MYO3A: variants seen among roughly 807,000 people sequenced by gnomAD.
MYO3A encodes myosin IIIA.
Under a neutral mutation model 192.7 loss-of-function variants are expected in MYO3A, and 180 were observed. The ratio of observed to expected loss-of-function variants is 0.93; its 90% CI spans 0.83 to 1.06. The LOEUF is 1.06. Ranked by LOEUF, MYO3A falls within the 50% of genes least tolerant of loss-of-function variation. MYO3A has a pLI of 0.00. For synonymous variants in MYO3A, 628 were observed against 645.3 expected (o/e 0.97, Z 0.41); for missense variants, 1,896 against 1,905.0 (o/e 1.00, Z 0.09).
At chr10:26,151,090 A>G (rs1314322523) in intron 23 of MYO3A, among the ~76,000 whole-genome samples, 1 of 152,262 alleles carries the variant, frequency 6.6e-6, no homozygotes, top group East Asian at 1.9e-4. Context: ...TTTAAGACCC[A>G]TAATATTATC....
chr10:26,157,050 T>C (rs909545159), intron 25 of MYO3A, among the ~76,000 whole-genome samples: 15 of 152,352 alleles, frequency 9.8e-5, no homozygotes, highest in Admixed American at 2.6e-4. Context: ...TAAAGTTGCC[T>C]TAATGGTTTA....
At chr10:26,007,887 C>A (rs192190682) in intron 6 of MYO3A, among the ~76,000 whole-genome samples, 9 of 151,986 alleles carry the variant, frequency 5.9e-5, no homozygotes, top group Admixed American at 6.6e-5. Context: ...AACTACTTTA[C>A]AGTTCATATG....
chr10:26,003,782 G>A (rs1841003555), intron 6 of MYO3A, among the ~76,000 whole-genome samples: 1 of 152,068 alleles, frequency 6.6e-6, no homozygotes, highest in Non-Finnish European at 1.5e-5. Context: ...ATTTCTAATA[G>A]GATACTTAAC....
chr10:25,943,985 T>C (rs530488601), intron 2 of MYO3A, among the ~76,000 whole-genome samples: 2 of 152,182 alleles, frequency 1.3e-5, no homozygotes, highest in African/African-American at 4.8e-5. Flanking sequence ...TTCCTGATCT[T>C]AGGAAAGAAG....
chr10:26,159,147 C>T (rs535143018), intron 26 of MYO3A, among the ~76,000 whole-genome samples: 12 of 151,678 alleles, frequency 7.9e-5, no homozygotes, highest in South Asian at 2.1e-4. Context: ...CCCGCCACCA[C>T]GCCCGGCTAA....
At position 26,143,508 on chromosome 10, in the gene MYO3A, C is replaced by G; in HGVS notation, c.2323C>G (p.Leu775Val). 1.9e-6 allele frequency: 3 copies of G among 1,613,608 alleles called. 1 individual carries two copies. In the South Asian group the frequency reaches 3.3e-5, roughly 18 times the overall value. The part of the protein sequence containing the change: ...RVIEYEDNWP[L>V]LDMFLQKPMG... ...TATTGAATATGAGGATAACTGGCCC[C>G]TCTTAGATATGTTTCTGCAAAAGCC... The change falls in exon 21 of 35, where the codon CTC becomes GTC. Residue 775 changes from leucine to valine, a missense_variant. Transcript: ENST00000642920.
chr10:25,938,361 G>A (rs970118497), intron 2 of MYO3A, among the ~76,000 whole-genome samples: 2 of 152,178 alleles, frequency 1.3e-5, no homozygotes, highest in Non-Finnish European at 2.9e-5. Context: ...AGAGTGGTGA[G>A]AACACAGGAA....
intron 4 of MYO3A, among the ~76,000 whole-genome samples, chr10:25,964,304 C>T (rs1838128440): frequency 6.6e-6 from 1 of 152,114 alleles, no homozygotes; most frequent in Non-Finnish European, 1.5e-5. Flanking sequence ...ATTTTACACA[C>T]TACAAAAGCA....
intron 4 of MYO3A, among the ~76,000 whole-genome samples, chr10:25,988,492 T>C (rs1839797467): frequency 6.6e-6 from 1 of 152,232 alleles, no homozygotes; most frequent in Non-Finnish European, 1.5e-5. Flanking sequence ...GGGCTGCAGA[T>C]GGTATAGCCA....
intron 21 of MYO3A, among the ~76,000 whole-genome samples, chr10:26,144,525 C>T (rs1440889680): frequency 6.6e-6 from 1 of 151,912 alleles, no homozygotes. Flanking sequence ...ATTTTTAGAT[C>T]AAATGATCCT....
At chr10:26,132,205 G>A (rs977702832) in intron 20 of MYO3A, among the ~76,000 whole-genome samples, 1 of 152,194 alleles carries the variant, frequency 6.6e-6, no homozygotes, top group Non-Finnish European at 1.5e-5. Context: ...CCGTCGGAAA[G>A]GGAGCTTAAC....
rs1834784369 is a variant in MYO3A at position 26,065,605 on chromosome 10, A to AAAAAAAAAT, written c.954-1362_954-1361insTAAAAAAAA. ...ATCTCCAAAAAAAAAAAAAAAAAAA[A>AAAAAAAAAT]AAAAAAAAGTATACATAATTCTTTT... is the stretch of plus-strand genomic sequence containing the variant. On this transcript the variant is annotated intron_variant, in intron 10 of 34. Coordinates refer to ENST00000642920, the MANE Select transcript of MYO3A (RefSeq NM_017433.5). Among the ~76,000 whole-genome samples the AAAAAAAAAT allele has an allele frequency of 1.1e-4, 13 of 118,758 alleles. 1 individual carries two copies. Among genetic ancestry groups the AAAAAAAAAT allele is most frequent in the South Asian group, 2.6e-4 (1 of 3,844 alleles). The allele number at this position is 118,758 out of a possible 152,430, so 77.9% of individuals were successfully genotyped here.
chr10:26,007,039 A>G (rs1442625574), intron 6 of MYO3A, among the ~76,000 whole-genome samples: 1 of 147,374 alleles, frequency 6.8e-6, no homozygotes, highest in African/African-American at 2.6e-5. Context: ...CACCATGATC[A>G]AGTGGGCTTC....
At chr10:26,022,941 G>A (rs1842380338) in intron 8 of MYO3A, 1 of 152,114 alleles carries the variant, frequency 6.6e-6, no homozygotes. Flanking sequence ...ACTGACTATG[G>A]TAATATGGAG....
intron 34 of MYO3A, among the ~76,000 whole-genome samples, chr10:26,203,395 A>G (rs1379276400): frequency 6.6e-6 from 1 of 152,202 alleles, no homozygotes; most frequent in Non-Finnish European, 1.5e-5. Flanking sequence ...ATGATAAATT[A>G]TTATATGGTC....
At chr10:26,190,267 A>G (rs1037375764) in intron 31 of MYO3A, among the ~76,000 whole-genome samples, 5 of 152,182 alleles carry the variant, frequency 3.3e-5, no homozygotes, top group African/African-American at 1.2e-4. Context: ...ACAGAAGTTA[A>G]TGATTGCTTG....
At chr10:25,999,910 G>A (rs947969207) in intron 6 of MYO3A, among the ~76,000 whole-genome samples, 1 of 152,168 alleles carries the variant, frequency 6.6e-6, no homozygotes, top group African/African-American at 2.4e-5. Context: ...CTCTCTGTTA[G>A]ATATCGCCAA....
chr10:25,959,912 A>G lies in MYO3A; in HGVS notation c.303+4904A>G, dbSNP rs373583420. ...AGGGTTTCGAGTCTTTTGATTAAAG[A>G]CTTCCAAATGACCCCTTGCTTTTTG... On this transcript the variant is annotated intron_variant, in intron 4 of 34. Transcript: ENST00000642920. Among the ~76,000 whole-genome samples the G allele has an allele frequency of 4.6e-5, 7 of 151,956 alleles. No individual in the cohort carries two copies. In the East Asian group the frequency reaches 1.2e-3, roughly 25 times the overall value.
At chr10:26,170,618 C>T in intron 29 of MYO3A, 79 bp downstream of exon 29, 2 of 1,474,876 alleles carry the variant, frequency 1.4e-6, no homozygotes, top group East Asian at 4.9e-5. Context: ...ATGTTCACAG[C>T]CTTTCTTGTA....
Sources: gnomAD v4.1 joint callset for allele counts (sites outside exome capture counted in the v4.1 genomes callset) on GRCh38, gnomAD v4.1.1 for gene constraint, MANE v1.5 for transcripts, NCBI Gene and HGNC (gene_info 2026-07-23, HGNC 2026-07-21) for gene names.